The following MSRA variants were observed in gnomAD, a reference collection of about 807,000 sequenced individuals.
MSRA encodes the protein mitochondrial peptide methionine sulfoxide reductase.
MSRA carries 54 observed loss-of-function variants against 31.3 expected under a neutral mutation model. The ratio of observed to expected loss-of-function variants is 1.73; its 90% CI spans 1.39 to 2.17. The LOEUF is 2.17. Ranked by LOEUF, MSRA falls within the 30% of genes most tolerant of loss-of-function variation. The pLI is 0.00. For missense variants in MSRA, 507 were observed against 300.9 expected (o/e 1.69, Z -5.07); for synonymous variants, 169 against 116.5 (o/e 1.45, Z -2.90).
At position 10,319,901 on chromosome 8, in the gene MSRA, A is replaced by C. The variant is rs1274143307; in HGVS notation, c.455A>C (p.Asp152Ala). The C allele has an allele frequency of 6.4e-7, 1 of 1,564,026 alleles. No homozygotes were observed. Among genetic ancestry groups the C allele is most frequent in the South Asian group, 1.2e-5 (1 of 80,902 alleles). ...DPTQGMRQGN[D>A]HGTQYRSAIY... Reference sequence around the variant, plus strand: ...TTCCTAGGTATGCGCCAGGGGAACGACCATGGCACTCAGTACCGCTCGGCC... The same window carrying C: ...TTCCTAGGTATGCGCCAGGGGAACGCCCATGGCACTCAGTACCGCTCGGCC... The change falls in exon 5 of 6, where the codon GAC (aspartate) becomes GCC (alanine). Residue 152 changes from aspartate (D) to alanine (A), a missense_variant. Coordinates refer to ENST00000317173, the MANE Select transcript of MSRA (RefSeq NM_012331.5).
chr8:10,210,737 A>ATT lies in MSRA; in HGVS notation c.211+2849_211+2850dup, dbSNP rs11343981. Among the ~76,000 whole-genome samples the ATT allele has an allele frequency of 6.3e-5, 9 of 142,104 alleles. 1 individual carries two copies. The highest frequency in any genetic ancestry group is 2.1e-4 in the African/African-American group (8 of 38,944). The allele number at this position is 142,104 out of a possible 152,430, so 93.2% of individuals were successfully genotyped here. ...AAATAGTATCACTAATTATAATGTCATTTTTTTTTTTTTTGAGATGGTGTC... is the reference window on the plus strand; with the variant it reads ...AAATAGTATCACTAATTATAATGTCATTTTTTTTTTTTTTTTGAGATGGTGTC... On this transcript the variant is annotated intron_variant, in intron 2 of 5. Coordinates refer to ENST00000317173, the MANE Select transcript of MSRA (RefSeq NM_012331.5).
chr8:10,390,339 GTGCATC>G (rs750723674), intron 5 of MSRA, among the ~76,000 whole-genome samples: 66 of 152,344 alleles, frequency 4.3e-4, no homozygotes, highest in Non-Finnish European at 4.1e-4. Context: ...CTGGTAATGA[GTGCATC>G]CAGGACAGAT....
chr8:10,135,775 C>T (rs542077937), intron 1 of MSRA, among the ~76,000 whole-genome samples: 3 of 152,332 alleles, frequency 2.0e-5, no homozygotes, highest in Non-Finnish European at 2.9e-5. Context: ...CACATGTTTG[C>T]ATATACGCAA....
At chr8:10,417,768 G>GTGTGTGTGTGTGTGTGTGTGTGTGTC (rs1168134918) in intron 5 of MSRA, among the ~76,000 whole-genome samples, 1 of 150,632 alleles carries the variant, frequency 6.6e-6, no homozygotes, top group Admixed American at 6.7e-5. Context: ...GTGTGTGTGT[G>GTGTGTGTGTGTGTGTGTGTGTGTGTC]TGTGTGTGTG....
Position 10,054,600 on chromosome 8 carries a change from G to C in MSRA, c.84G>C (p.Ser28=), listed in dbSNP as rs200141581. The change falls in exon 1 of 6, where the codon TCG becomes TCC. Residue 28 remains serine (S), a synonymous_variant. Transcript: ENST00000317173. ...TCCCGAGGATGGGCAACTCGGCCTC[G>C]AACATCGTCAGCCCCCAGGAGGCCT... The part of the protein sequence containing the change: ...FPVPRMGNSA[S]NIVSPQEALP... The C allele has an allele frequency of 3.8e-6, 6 of 1,580,414 alleles. No homozygotes were observed. Among genetic ancestry groups the C allele is most frequent in the Non-Finnish European group, 5.2e-6 (6 of 1,163,912 alleles).
At chr8:10,284,675 G>A (rs1799838355) in intron 3 of MSRA, among the ~76,000 whole-genome samples, 1 of 152,196 alleles carries the variant, frequency 6.6e-6, no homozygotes, top group Non-Finnish European at 1.5e-5. Flanking sequence ...AGGTAGGAGT[G>A]AAGATTCTGG....
chr8:10,327,123 A>G (rs1357352546), intron 5 of MSRA, among the ~76,000 whole-genome samples: 3 of 152,162 alleles, frequency 2.0e-5, no homozygotes, highest in Non-Finnish European at 1.5e-5. Context: ...CTTTGTATAT[A>G]TTTTACAATA....
chr8:10,271,629 C>G (rs994105585), intron 3 of MSRA, among the ~76,000 whole-genome samples: 1 of 95,696 alleles, frequency 1.0e-5, no homozygotes. Context: ...ATCAGACAGT[C>G]AATTTGCATT....
intron 3 of MSRA, among the ~76,000 whole-genome samples, chr8:10,278,311 C>T (rs1341035527): frequency 6.6e-6 from 1 of 152,182 alleles, no homozygotes; most frequent in Non-Finnish European, 1.5e-5. Context: ...TTGCTCTTGA[C>T]CTGGTTCTGT....
chr8:10,152,773 G>T (rs1372022733), intron 1 of MSRA, among the ~76,000 whole-genome samples: 1 of 152,204 alleles, frequency 6.6e-6, no homozygotes, highest in Non-Finnish European at 1.5e-5. Flanking sequence ...GTTGACAGGT[G>T]AACAGGTAGA....
chr8:10,162,548 A>C (rs1469531503), intron 1 of MSRA, among the ~76,000 whole-genome samples: 1 of 151,946 alleles, frequency 6.6e-6, no homozygotes, highest in Non-Finnish European at 1.5e-5. Flanking sequence ...CGGGAGGAGG[A>C]CTGGCGGCCG....
chr8:10,090,359 CAGTA>C (rs1247901880), intron 1 of MSRA, among the ~76,000 whole-genome samples: 28 of 152,148 alleles, frequency 1.8e-4, no homozygotes, highest in South Asian at 4.1e-4. Context: ...GAAGTCAAAA[CAGTA>C]AGGCACTAGA....
intron 5 of MSRA, among the ~76,000 whole-genome samples, chr8:10,422,212 G>C (rs1029426365): frequency 3.3e-5 from 5 of 152,200 alleles, no homozygotes; most frequent in Non-Finnish European, 5.9e-5. Context: ...CTTGAGCCCA[G>C]AAGGTAGGGC....
chr8:10,196,764 G>A (rs949541433), intron 1 of MSRA, among the ~76,000 whole-genome samples: 59 of 151,592 alleles, frequency 3.9e-4, no homozygotes, highest in African/African-American at 1.4e-3. Flanking sequence ...TAGAAATGGG[G>A]TTTCACCATG....
intron 1 of MSRA, among the ~76,000 whole-genome samples, chr8:10,165,488 G>A (rs1805046426): frequency 6.6e-6 from 1 of 152,170 alleles, no homozygotes; most frequent in Admixed American, 6.5e-5. Context: ...GACAAATGGA[G>A]ACTAAAGACA....
intron 3 of MSRA, among the ~76,000 whole-genome samples, chr8:10,258,495 C>T (rs886225082): frequency 2.6e-5 from 4 of 152,152 alleles, no homozygotes; most frequent in Admixed American, 6.5e-5. Context: ...GCAGGCCTTG[C>T]TCTCAATAGG....
chr8:10,235,104 C>T (rs1811837551), intron 2 of MSRA, among the ~76,000 whole-genome samples: 1 of 150,128 alleles, frequency 6.7e-6, no homozygotes, highest in Non-Finnish European at 1.5e-5. Context: ...ACCTAAGAAA[C>T]ACATAGAGAG....
At chr8:10,269,895 C>A (rs1798940104) in intron 3 of MSRA, among the ~76,000 whole-genome samples, 2 of 152,114 alleles carry the variant, frequency 1.3e-5, no homozygotes, top group South Asian at 2.1e-4. Flanking sequence ...TCGTGATCTG[C>A]CCACCTCAGC....
At chr8:10,220,862 A>G (rs998336889) in intron 2 of MSRA, among the ~76,000 whole-genome samples, 1 of 152,206 alleles carries the variant, frequency 6.6e-6, no homozygotes, top group African/African-American at 2.4e-5. Context: ...AAGGACATTA[A>G]GGGAGGAGGA....
Sources: gnomAD v4.1 joint callset for allele counts (sites outside exome capture counted in the v4.1 genomes callset) on GRCh38, gnomAD v4.1.1 for gene constraint, MANE v1.5 for transcripts, NCBI Gene and HGNC (gene_info 2026-07-23, HGNC 2026-07-21) for gene names.